HSF2: variants seen among roughly 807,000 people sequenced by gnomAD.
HSF2 encodes heat shock transcription factor 2, also known as heat shock factor protein 2.
HSF2 carries 21 observed loss-of-function variants against 65.0 expected under a neutral mutation model. The observed-to-expected ratio is 0.32, with a 90% CI of 0.23 to 0.47. The LOEUF (loss-of-function observed/expected upper bound fraction) is 0.47. HSF2 is among the 20% of genes least tolerant of loss of function. HSF2 has a pLI of 1.00. For missense variants in HSF2, 499 were observed against 628.1 expected (o/e 0.79, Z 2.20); for synonymous variants, 225 against 219.1 (o/e 1.03, Z -0.24).
At chr6:122,407,837 C>T (rs1215215100) in intron 1 of HSF2, among the ~76,000 whole-genome samples, 2 of 152,180 alleles carry the variant, frequency 1.3e-5, no homozygotes, top group Non-Finnish European at 2.9e-5. Context: ...CAACAACAGG[C>T]GTTTATTTTT....
At position 122,420,162 on chromosome 6, in the gene HSF2, C is replaced by G. The variant is rs779164074; in HGVS notation, c.621C>G (p.Ala207=). ...KRPLLLNTNG[A]QKKNLFQHIV... ...CTCTACTTCTAAACACTAATGGAGCCCAAAAGAAGAACCTGTTTCAGCACA... is the reference window on the plus strand; with the variant it reads ...CTCTACTTCTAAACACTAATGGAGCGCAAAAGAAGAACCTGTTTCAGCACA... Residue 207 remains alanine (A), a synonymous_variant, in exon 7 of 13, where the codon GCC becomes GCG. Coordinates refer to ENST00000368455, the MANE Select transcript of HSF2 (RefSeq NM_004506.4). 1 of 1,609,818 alleles carries G rather than the reference C, an allele frequency of 6.2e-7. No individual in the cohort carries two copies. Among genetic ancestry groups the G allele is most frequent in the Admixed American group, 1.7e-5 (1 of 59,644 alleles).
rs775837251 is a variant in HSF2 at position 122,422,914 on chromosome 6, A to G, written c.1027A>G (p.Met343Val). The G allele has an allele frequency of 6.2e-7, 1 of 1,613,492 alleles. No homozygotes were observed. The highest frequency in any genetic ancestry group is 8.5e-7 in the Non-Finnish European group (1 of 1,179,566). ...SSLTSEDPVT[M>V]MDSILNDNIN... ...TCTGACCTCAGAAGATCCAGTGACCATGATGGATTCCATTTTGAATGATAA... is the reference window on the plus strand; with the variant it reads ...TCTGACCTCAGAAGATCCAGTGACCGTGATGGATTCCATTTTGAATGATAA... Residue 343 changes from methionine (M) to valine (V), a missense_variant, in exon 9 of 13, where the codon ATG (methionine) becomes GTG (valine). Coordinates refer to ENST00000368455, the MANE Select transcript of HSF2 (RefSeq NM_004506.4).
rs1439119520 is a variant in HSF2, at chr6:122,423,674, TCTC to T, written c.1167_1169del (p.Leu390del). ...GAAGACAATTTAGCATAGACCCAGA[TCTC>T]CTGGTTGATGTAGGTACTTTGGGTA... is the stretch of plus-strand genomic sequence containing the variant. On this transcript the variant is annotated inframe_deletion, in exon 10 of 13. Coordinates refer to ENST00000368455, the MANE Select transcript of HSF2 (RefSeq NM_004506.4). 6.3e-7 allele frequency: 1 copy of T among 1,597,822 alleles called. No homozygotes were observed. The highest frequency in any genetic ancestry group is 8.6e-7 in the Non-Finnish European group (1 of 1,167,610).
intron 5 of HSF2, among the ~76,000 whole-genome samples, chr6:122,418,952 T>TAC (rs1774178477): frequency 6.6e-6 from 1 of 152,184 alleles, no homozygotes; most frequent in African/African-American, 2.4e-5. Flanking sequence ...GCCAGGCAAG[T>TAC]TTGGTACTTA....
In HSF2 at chr6:122,416,246, G is replaced by A; in HGVS notation, c.481G>A (p.Val161Met). ...KSENESLWKE[V>M]SELRAKHAQQ... is the part of the protein sequence containing the mutation. ...TGAGAATGAGTCCCTTTGGAAGGAG[G>A]TGTCAGAATTACGAGCAAAGCATGC... Residue 161 changes from valine to methionine, a missense_variant, in exon 5 of 13, where the codon GTG becomes ATG. Physicochemically the swap from Val to Met is conservative, Grantham distance 21 (BLOSUM62 1). This residue lies in a region of HSF2 where 150 missense variants were observed against 234.6 expected (regional missense o/e 0.64). Transcript: ENST00000368455. 6.2e-7 allele frequency: 1 copy of A among 1,609,604 alleles called. No homozygotes were observed. The highest frequency in any genetic ancestry group is 8.5e-7 in the Non-Finnish European group (1 of 1,176,118).
chr6:122,416,040 G>T (rs1210753904), intron 4 of HSF2, among the ~76,000 whole-genome samples, 181 bp from the exon 5 acceptor site: 1 of 152,068 alleles, frequency 6.6e-6, no homozygotes, highest in Non-Finnish European at 1.5e-5. Context: ...GAATGATTCA[G>T]GAGTTGTGTC....
At chr6:122,422,989 A>G (rs1774270304) in intron 9 of HSF2, 32 bp downstream of exon 9, 2 of 1,609,504 alleles carry the variant, frequency 1.2e-6, no homozygotes, top group Admixed American at 3.3e-5. Flanking sequence ...GTCTAAAATT[A>G]TTTGCTTTCT....
chr6:122,399,704 G>C lies in HSF2; in HGVS notation c.-34G>C. On this transcript the variant is annotated 5_prime_UTR_variant, in exon 1 of 13. Transcript: ENST00000368455. ...CCGCCGCCGCTACCACCGCGTTCGG[G>C]TGTAGAATTTGGAATCCCTGCGCCG... The C allele has an allele frequency of 2.6e-6, 4 of 1,559,458 alleles. No homozygotes were observed. Among genetic ancestry groups the C allele is most frequent in the East Asian group, 2.3e-5 (1 of 43,106 alleles).
chr6:122,420,268 A>T (rs1298576336), intron 7 of HSF2, 46 bp downstream of exon 7: 1 of 1,431,496 alleles, frequency 7.0e-7, no homozygotes, highest in African/African-American at 1.4e-5. Flanking sequence ...GTCTCAGACT[A>T]AATTTTATTA....
At chr6:122,413,831 TTACTC>T (rs1774057925) in intron 4 of HSF2, among the ~76,000 whole-genome samples, 182 bp downstream of exon 4, 1 of 152,102 alleles carries the variant, frequency 6.6e-6, no homozygotes, top group South Asian at 2.1e-4. Context: ...GCCACTGACT[TTACTC>T]TAATATTGTT....
intron 1 of HSF2, among the ~76,000 whole-genome samples, chr6:122,410,757 AAAT>A (rs1773971584): frequency 6.6e-6 from 1 of 151,882 alleles, no homozygotes; most frequent in African/African-American, 2.4e-5. Flanking sequence ...TTTTTAGGTG[AAAT>A]AATATTTCAT....
At position 122,418,155 on chromosome 6, in the gene HSF2, T is replaced by G. The variant is rs45561533; in HGVS notation, c.532-1013T>G. Among the ~76,000 whole-genome samples the G allele has an allele frequency of 3.0e-3, 461 of 152,302 alleles. 2 individuals are homozygous for G. The highest frequency in any genetic ancestry group is 0.011 in the African/African-American group (438 of 41,572). On this transcript the variant is annotated intron_variant, in intron 5 of 12. Transcript: ENST00000368455. ...TTTCTGCACAGAGTCTAAATAGTGC[T>G]CCAATCAATTTTGGCTTTTATTCAT... is the stretch of plus-strand genomic sequence containing the variant.
chr6:122,420,075 A>G, intron 6 of HSF2, 60 bp from the exon 7 acceptor site: 2 of 1,528,022 alleles, frequency 1.3e-6, no homozygotes, highest in Non-Finnish European at 1.8e-6. Context: ...AAGTTAATAG[A>G]GGGAGTTTAA....
chr6:122,415,344 T>C (rs996807089), intron 4 of HSF2, among the ~76,000 whole-genome samples: 1 of 152,194 alleles, frequency 6.6e-6, no homozygotes, highest in South Asian at 2.1e-4. Flanking sequence ...TACCAAATTA[T>C]TTGTATGATC....
intron 5 of HSF2, among the ~76,000 whole-genome samples, chr6:122,418,089 CT>C (rs777295328): frequency 1.2e-4 from 19 of 152,046 alleles, no homozygotes; most frequent in Non-Finnish European, 2.6e-4. Context: ...ATTGATAATA[CT>C]CTATTTAATC....
intron 1 of HSF2, among the ~76,000 whole-genome samples, chr6:122,405,179 G>A (rs1220845664): frequency 2.0e-5 from 3 of 151,592 alleles, no homozygotes; most frequent in Non-Finnish European, 4.4e-5. Context: ...TGGGTACTGG[G>A]GAGGCTGAGT....
chr6:122,428,505 G>A (rs568941828), intron 11 of HSF2, among the ~76,000 whole-genome samples: 3 of 151,904 alleles, frequency 2.0e-5, no homozygotes, highest in South Asian at 2.1e-4. Flanking sequence ...GAGATTTTGC[G>A]GAACTTGTTT....
At chr6:122,404,598 A>AGC (rs3839526) in intron 1 of HSF2, among the ~76,000 whole-genome samples, 1 of 151,984 alleles carries the variant, frequency 6.6e-6, no homozygotes. Context: ...GAGTGCCAAA[A>AGC]TTAATTTGGA....
intron 10 of HSF2, among the ~76,000 whole-genome samples, chr6:122,425,940 C>T (rs45470997): frequency 1.5e-3 from 231 of 152,164 alleles, no homozygotes; most frequent in African/African-American, 5.2e-3. Flanking sequence ...TCTTTATTCT[C>T]TGTATTAGTT....
Sources: allele counts gnomAD v4.1 joint callset (sites outside exome capture counted in the v4.1 genomes callset), GRCh38; gene constraint gnomAD v4.1.1; regional missense constraint gnomAD v4.1.1; transcripts MANE v1.5; gene names NCBI Gene and HGNC (gene_info 2026-07-23, HGNC 2026-07-21).